THSD7A: variants seen among roughly 807,000 people sequenced by gnomAD.
THSD7A encodes thrombospondin type-1 domain-containing protein 7A.
Under a neutral mutation model 231.3 loss-of-function variants are expected in THSD7A, and 96 were observed. The ratio of observed to expected loss-of-function variants is 0.41; its 90% CI spans 0.35 to 0.49. THSD7A has a LOEUF of 0.49. Ranked by LOEUF, THSD7A falls within the 20% of genes least tolerant of loss-of-function variation. The pLI, the probability that THSD7A is intolerant of heterozygous loss-of-function variation, is 0.05. For missense variants in THSD7A, 2,290 were observed against 2,070.2 expected (o/e 1.11, Z -2.06); for synonymous variants, 940 against 743.3 (o/e 1.26, Z -4.30).
chr7:11,828,793 T>G (rs1442564076), intron 1 of THSD7A, among the ~76,000 whole-genome samples: 1 of 152,132 alleles, frequency 6.6e-6, no homozygotes, highest in Non-Finnish European at 1.5e-5. Context: ...CATGTATATA[T>G]TATATGTATA....
At chr7:11,687,487 C>T (rs367872011) in intron 1 of THSD7A, among the ~76,000 whole-genome samples, 106 of 151,874 alleles carry the variant, frequency 7.0e-4, no homozygotes, top group African/African-American at 1.9e-3. Flanking sequence ...TGAGCTCAGA[C>T]AACCTTAAAA....
chr7:11,790,857 A>G (rs1783931573), intron 1 of THSD7A, among the ~76,000 whole-genome samples: 1 of 151,992 alleles, frequency 6.6e-6, no homozygotes, highest in Non-Finnish European at 1.5e-5. Flanking sequence ...TCTAATTTTT[A>G]TACAAAAAAT....
At chr7:11,502,464 T>C (rs377061971) in intron 6 of THSD7A, among the ~76,000 whole-genome samples, 2 of 152,190 alleles carry the variant, frequency 1.3e-5, no homozygotes, top group South Asian at 2.1e-4. Context: ...ATCCCCAGGA[T>C]ACAAGACTGG....
rs1449372101 is a variant in THSD7A at position 11,460,651 on chromosome 7, G to C, written c.2605+11C>G. 1 of 1,594,962 alleles carries C rather than the reference G, an allele frequency of 6.3e-7. No homozygotes were observed. The highest frequency in any genetic ancestry group is 1.7e-4 in the Middle Eastern group (1 of 5,974). ...TGCTGGAGAAATGAACTGTGGAATG[G>C]GGCCTCCCACCTCTTGCCTGTCGCC... On this transcript the variant is annotated intron_variant, in intron 11 of 27. Transcript: ENST00000423059.
At chr7:11,827,008 T>G (rs1785051972) in intron 1 of THSD7A, among the ~76,000 whole-genome samples, 1 of 152,056 alleles carries the variant, frequency 6.6e-6, no homozygotes, top group Non-Finnish European at 1.5e-5. Flanking sequence ...TTTTATTTAT[T>G]TAATTAATTT....
chr7:11,796,844 C>T (rs775758658), intron 1 of THSD7A, among the ~76,000 whole-genome samples: 9 of 151,900 alleles, frequency 5.9e-5, no homozygotes, highest in Non-Finnish European at 1.2e-4. Context: ...CATTTACTAT[C>T]CTATGTTAGG....
At chr7:11,789,258 G>T (rs58260576) in intron 1 of THSD7A, among the ~76,000 whole-genome samples, 5,914 of 152,066 alleles carry the variant, frequency 0.039, 136 homozygotes, top group East Asian at 0.11. Context: ...CAGAAAGATG[G>T]GCAATCAACC....
At chr7:11,585,374 T>C (rs991322480) in intron 4 of THSD7A, among the ~76,000 whole-genome samples, 2 of 152,152 alleles carry the variant, frequency 1.3e-5, no homozygotes, top group Admixed American at 6.5e-5. Context: ...TCTGATTCCT[T>C]TGGGGATTCC....
At position 11,486,041 on chromosome 7, in the gene THSD7A, T is replaced by C. The variant is rs1244981083; in HGVS notation, c.1823-4059A>G. On this transcript the variant is annotated intron_variant, in intron 6 of 27. Transcript: ENST00000423059. ...CAGGCATAAGTCATCTGGGAAACCA[T>C]AGGCAAATAAAATCAAATAAAAAGT... Among the ~76,000 whole-genome samples the C allele has an allele frequency of 3.9e-5, 6 of 152,188 alleles. 1 individual carries two copies. The highest frequency in any genetic ancestry group is 4.1e-4 in the South Asian group (2 of 4,836).
intron 6 of THSD7A, among the ~76,000 whole-genome samples, chr7:11,540,162 T>C (rs1015944858): frequency 6.6e-6 from 1 of 152,180 alleles, no homozygotes; most frequent in African/African-American, 2.4e-5. Flanking sequence ...AGATTATGCT[T>C]ATCGTAGCAA....
intron 1 of THSD7A, among the ~76,000 whole-genome samples, chr7:11,816,085 A>G (rs529758749): frequency 1.3e-5 from 2 of 152,152 alleles, no homozygotes; most frequent in Non-Finnish European, 2.9e-5. Context: ...TCCCTCCTCC[A>G]TTTTACATCC....
At chr7:11,535,673 G>T (rs925882447) in intron 6 of THSD7A, among the ~76,000 whole-genome samples, 1 of 151,968 alleles carries the variant, frequency 6.6e-6, no homozygotes, top group African/African-American at 2.4e-5. Flanking sequence ...ATGGAAAAAC[G>T]ATTCAGTTAT....
intron 23 of THSD7A, 83 bp from the exon 24 acceptor site, chr7:11,382,699 A>G: frequency 9.7e-7 from 1 of 1,033,092 alleles, no homozygotes. Context: ...ATAACATATT[A>G]CTGAAAAGTA....
chr7:11,632,832 C>T lies in THSD7A; in HGVS notation c.1022+3298G>A, dbSNP rs536570125. 1.3e-5 allele frequency among the ~76,000 whole-genome samples: 2 copies of T among 152,210 alleles called. No individual in the cohort carries two copies. The highest frequency in any genetic ancestry group is 4.2e-4 in the South Asian group (2 of 4,812). On this transcript the variant is annotated intron_variant, in intron 2 of 27. Coordinates refer to ENST00000423059, the MANE Select transcript of THSD7A (RefSeq NM_015204.3). The surrounding 1 kb of genome is among the most constrained non-coding windows in gnomAD (Gnocchi z 4.1). ...ACAATTTCGATGTGTGAATCAAGGT[C>T]TTCTTTTAATTTCAGGAAAGTCTTA... is the stretch of plus-strand genomic sequence containing the variant.
intron 6 of THSD7A, among the ~76,000 whole-genome samples, chr7:11,513,466 G>T (rs185243710): frequency 6.6e-6 from 1 of 152,070 alleles, no homozygotes; most frequent in African/African-American, 2.4e-5. Context: ...ACCATAAAAA[G>T]GAATGAAGTA....
intron 4 of THSD7A, among the ~76,000 whole-genome samples, chr7:11,557,478 G>A (rs20): frequency 0.83 from 125,968 of 151,982 alleles, 52,790 homozygotes; most frequent in African/African-American, 0.94. Context: ...TATTTTTTTC[G>A]TTGAATCTGG....
chr7:11,713,890 C>A (rs1781045326), intron 1 of THSD7A, among the ~76,000 whole-genome samples: 1 of 150,812 alleles, frequency 6.6e-6, no homozygotes, highest in Non-Finnish European at 1.5e-5. Context: ...TGATAATAAG[C>A]AATAGGTGAT....
chr7:11,671,187 C>T (rs933430817), intron 1 of THSD7A, among the ~76,000 whole-genome samples: 2 of 152,170 alleles, frequency 1.3e-5, no homozygotes, highest in African/African-American at 4.8e-5. Context: ...TTTTCTGATG[C>T]TCCTAGCACT....
intron 6 of THSD7A, among the ~76,000 whole-genome samples, chr7:11,507,917 C>T (rs1203126651): frequency 6.6e-6 from 1 of 152,080 alleles, no homozygotes; most frequent in Non-Finnish European, 1.5e-5. Flanking sequence ...GGCTAATTTA[C>T]AAAGGAAAGA....
Sources: allele counts gnomAD v4.1 joint callset (sites outside exome capture counted in the v4.1 genomes callset), GRCh38; gene constraint gnomAD v4.1.1; non-coding constraint Gnocchi (gnomAD v3.1); transcripts MANE v1.5; gene names NCBI Gene and HGNC (gene_info 2026-07-23, HGNC 2026-07-21).